CAST: variants seen among roughly 807,000 people sequenced by gnomAD.
CAST encodes calpastatin, also known as MIR583 host.
Under a neutral mutation model 119.6 loss-of-function variants are expected in CAST, and 76 were observed. The ratio of observed to expected loss-of-function variants is 0.64; its 90% CI spans 0.53 to 0.77. The LOEUF (loss-of-function observed/expected upper bound fraction) is 0.77, where lower values mean the gene tolerates loss of function less well. Among genes scored for constraint, CAST ranks in the 30% least tolerant of loss-of-function variants. The probability of loss-of-function intolerance (pLI) is 0.00; values close to 1 mark genes in which losing one functional copy is unlikely to be tolerated. For missense variants in CAST, 953 were observed against 946.5 expected, an observed-to-expected ratio of 1.01 and a Z score of -0.09; for synonymous variants, 319 against 331.6, an observed-to-expected ratio of 0.96 and a Z score of 0.41.
chr5:96,400,108 T>A, the CAST span: 1 of 1,614,134 alleles, frequency 6.2e-7, no homozygotes, highest in Non-Finnish European at 8.5e-7. Flanking sequence ...TCTTTTTCCA[T>A]CCAGGGTTAT....
the CAST span, chr5:96,400,236 T>C: frequency 7.6e-7 from 1 of 1,324,452 alleles, no homozygotes; most frequent in Non-Finnish European, 1.1e-6. Flanking sequence ...TGAAGTTTCC[T>C]TGCAAAAGCA....
chr5:95,995,858 C>A, the CAST span, among the ~76,000 whole-genome samples: 106 of 152,226 alleles, frequency 7.0e-4, no homozygotes, highest in African/African-American at 2.5e-3. Context: ...ATACTGCATA[C>A]CCCTGCCCAC....
intron 3 of CAST, among the ~76,000 whole-genome samples, chr5:96,713,108 T>G (rs975181343): frequency 1.1e-4 from 16 of 151,930 alleles, no homozygotes; most frequent in Non-Finnish European, 1.9e-4. Flanking sequence ...TTCTGGATGA[T>G]TGTTCAGCAG....
chr5:96,040,230 G>C, the CAST span, among the ~76,000 whole-genome samples: 1 of 152,340 alleles, frequency 6.6e-6, no homozygotes, highest in Admixed American at 6.5e-5. Flanking sequence ...TTTGTATCCT[G>C]AGACTTTGCT....
chr5:96,729,955 C>T (rs1399319151), intron 8 of CAST, among the ~76,000 whole-genome samples: 2 of 152,156 alleles, frequency 1.3e-5, no homozygotes, highest in Non-Finnish European at 2.9e-5. Context: ...ATGCGCTGTC[C>T]GTCCTTCTCC....
the CAST span, among the ~76,000 whole-genome samples, chr5:96,237,746 A>G: frequency 6.6e-6 from 1 of 152,112 alleles, no homozygotes; most frequent in Non-Finnish European, 1.5e-5. Flanking sequence ...ATTTTTAACA[A>G]TTAAAAAAAT....
upstream of CAST, among the ~76,000 whole-genome samples, chr5:96,521,534 C>G (rs528550591): frequency 1.1e-4 from 16 of 152,238 alleles, no homozygotes; most frequent in South Asian, 3.3e-3. Flanking sequence ...ATCACATATC[C>G]CCACATGTCA....
the CAST span, among the ~76,000 whole-genome samples, chr5:96,202,282 T>C: frequency 7.2e-5 from 11 of 152,210 alleles, no homozygotes; most frequent in East Asian, 2.1e-3. Flanking sequence ...TATTAACATA[T>C]AAAGGGTATG....
At chr5:96,313,445 T>C in the CAST span, among the ~76,000 whole-genome samples, 1 of 152,206 alleles carries the variant, frequency 6.6e-6, no homozygotes, top group East Asian at 1.9e-4. Context: ...TGTATTCTTC[T>C]GAGTCTGGCT....
intron 1 of CAST, among the ~76,000 whole-genome samples, chr5:96,594,998 T>G (rs1437335648): frequency 6.6e-6 from 1 of 152,198 alleles, no homozygotes; most frequent in Non-Finnish European, 1.5e-5. Flanking sequence ...AAATATGGAA[T>G]CTACAGAGTA....
the CAST span, among the ~76,000 whole-genome samples, chr5:96,129,953 T>A: frequency 6.6e-6 from 1 of 151,902 alleles, no homozygotes; most frequent in African/African-American, 2.4e-5. Context: ...TTGAAATCGG[T>A]ATGCCAACTA....
At chr5:96,297,411 T>C in the CAST span, among the ~76,000 whole-genome samples, 21 of 152,162 alleles carry the variant, frequency 1.4e-4, no homozygotes, top group Non-Finnish European at 1.5e-5. Flanking sequence ...GATGTAGCAG[T>C]GTGTGTGTCT....
the CAST span, among the ~76,000 whole-genome samples, chr5:96,107,639 C>G: frequency 3.3e-5 from 5 of 152,156 alleles, no homozygotes; most frequent in African/African-American, 7.2e-5. Context: ...TGACCTTTCT[C>G]TCTGGCTGCC....
At chr5:96,411,072 G>T in the CAST span, 7 of 964,700 alleles carry the variant, frequency 7.3e-6, no homozygotes, top group Non-Finnish European at 1.2e-5. Flanking sequence ...ACGACTACAT[G>T]TGTGAAATTC....
chr5:96,029,683 G>A, the CAST span, among the ~76,000 whole-genome samples: 2 of 152,020 alleles, frequency 1.3e-5, no homozygotes, highest in Non-Finnish European at 1.5e-5. Context: ...GAAGAATCAA[G>A]AAGTACTGTA....
chr5:96,694,603 C>T (rs554840294), intron 2 of CAST, among the ~76,000 whole-genome samples: 7 of 152,192 alleles, frequency 4.6e-5, no homozygotes, highest in Non-Finnish European at 7.4e-5. Flanking sequence ...TGCACTCCAG[C>T]CTGGGTGACA....
the CAST span, among the ~76,000 whole-genome samples, chr5:96,011,142 A>G: frequency 9.9e-5 from 15 of 152,278 alleles, no homozygotes; most frequent in East Asian, 2.3e-3. Flanking sequence ...GTGATATTAA[A>G]TTACCAGCAT....
chr5:96,767,774 T>G (rs1770536509), intron 28 of CAST, 133 bp from the exon 29 acceptor site: 3 of 641,200 alleles, frequency 4.7e-6, no homozygotes, highest in Non-Finnish European at 8.3e-6. Flanking sequence ...CAATACATTA[T>G]TATTAATAAA....
chr5:96,103,599 A>G, the CAST span, among the ~76,000 whole-genome samples: 3 of 151,368 alleles, frequency 2.0e-5, no homozygotes, highest in African/African-American at 7.3e-5. Flanking sequence ...CCAGTCTATC[A>G]TTGTTGGACA....
Sources: gnomAD v4.1 joint callset for allele counts (sites outside exome capture counted in the v4.1 genomes callset) on GRCh38, gnomAD v4.1.1 for gene constraint, MANE v1.5 for transcripts, NCBI Gene and HGNC (gene_info 2026-07-23, HGNC 2026-07-21) for gene names.